Variants in PLEKHA7 observed in about 807,000 individuals in gnomAD.
PLEKHA7 encodes pleckstrin homology domain containing A7, also known as pleckstrin homology domain-containing family A member 7.
A neutral mutation model predicts 170.0 loss-of-function variants in PLEKHA7; 104 were observed. The observed-to-expected ratio is 0.61, with a 90% CI of 0.52 to 0.72. The LOEUF is 0.72. Among genes scored for constraint, PLEKHA7 ranks in the 30% least tolerant of loss-of-function variants. The pLI is 0.00. For synonymous variants in PLEKHA7, 648 were observed against 660.8 expected (o/e 0.98, Z 0.30); for missense variants, 1,615 against 1,671.7 (o/e 0.97, Z 0.59).
chr11:16,928,806 T>C (rs1253188163), intron 3 of PLEKHA7, among the ~76,000 whole-genome samples: 1 of 152,092 alleles, frequency 6.6e-6, no homozygotes, highest in Non-Finnish European at 1.5e-5. Flanking sequence ...GCATAAAAAT[T>C]ACTGTCCATG....
At chr11:16,779,396 G>A (rs1590088824) in intron 26 of PLEKHA7, among the ~76,000 whole-genome samples, 1 of 152,318 alleles carries the variant, frequency 6.6e-6, no homozygotes, top group Middle Eastern at 3.4e-3. Flanking sequence ...TCTTAACAAG[G>A]ATGCTTTGAG....
intron 3 of PLEKHA7, among the ~76,000 whole-genome samples, chr11:16,900,797 A>C (rs759863192): frequency 2.0e-5 from 3 of 152,140 alleles, no homozygotes; most frequent in Non-Finnish European, 2.9e-5. Context: ...TTTCTAGGAC[A>C]GAAAATCTCT....
chr11:16,908,491 A>AT (rs911811869), intron 3 of PLEKHA7, among the ~76,000 whole-genome samples: 2 of 140,176 alleles, frequency 1.4e-5, no homozygotes, highest in East Asian at 2.0e-4. Flanking sequence ...TGAGAAAATA[A>AT]TTTTTTTTTC....
intron 3 of PLEKHA7, among the ~76,000 whole-genome samples, chr11:16,951,633 A>G (rs2136506348): frequency 6.6e-6 from 1 of 152,344 alleles, no homozygotes; most frequent in Non-Finnish European, 1.5e-5. Flanking sequence ...TAAGCTATGT[A>G]AATGAAAACG....
Position 16,916,190 on chromosome 11 carries a change from G to T in PLEKHA7, c.222-45008C>A, listed in dbSNP as rs1191295162. On this transcript the variant is annotated intron_variant, in intron 3 of 26. Coordinates refer to ENST00000531066, the MANE Select transcript of PLEKHA7 (RefSeq NM_001329630.2). Reference sequence around the variant, plus strand: ...TGAGAAGTGTCTGTTCATGTCCTTCGCCCACTTGTTAATGGGGTTGTTTGT... The same window carrying T: ...TGAGAAGTGTCTGTTCATGTCCTTCTCCCACTTGTTAATGGGGTTGTTTGT... Among the ~76,000 whole-genome samples the T allele has an allele frequency of 2.0e-5, 3 of 152,158 alleles. No homozygotes were observed. In the South Asian group the frequency reaches 6.2e-4, roughly 32 times the overall value.
intron 3 of PLEKHA7, among the ~76,000 whole-genome samples, chr11:16,884,691 C>CAA (rs538451727): frequency 1.8e-3 from 275 of 150,164 alleles, no homozygotes; most frequent in African/African-American, 6.4e-3. Flanking sequence ...TGTTAGAAAA[C>CAA]AAAAAAAAAC....
In PLEKHA7 at chr11:16,870,666, T is replaced by C. The variant is rs759361359; in HGVS notation, c.305+433A>G. On this transcript the variant is annotated intron_variant, in intron 4 of 26. Coordinates refer to ENST00000531066, the MANE Select transcript of PLEKHA7 (RefSeq NM_001329630.2). ...CAAAAAAAAAAAAAAAAAAAAGATATGGGGTCTTGTTAGCCTTGAACTCCT... is the reference window on the plus strand; with the variant it reads ...CAAAAAAAAAAAAAAAAAAAAGATACGGGGTCTTGTTAGCCTTGAACTCCT... Among the ~76,000 whole-genome samples, 25 of 145,668 alleles carry C rather than the reference T, an allele frequency of 1.7e-4. No homozygotes were observed. In the East Asian group the frequency reaches 2.2e-3, roughly 13 times the overall value.
chr11:16,842,594 CAAAAAAAAAAA>C (rs10690846), intron 8 of PLEKHA7: 2 of 107,936 alleles, frequency 1.9e-5, no homozygotes, highest in African/African-American at 7.5e-5. Flanking sequence ...TGTATCCTTG[CAAAAAAAAAAA>C]AAAAAAAAAT....
chr11:16,968,777 C>T lies in PLEKHA7; in HGVS notation c.221+45212G>A, dbSNP rs945037580. On this transcript the variant is annotated intron_variant, in intron 3 of 26. Transcript: ENST00000531066. ...TGGCATGATAGGCCTGCAAACTCAA[C>T]AAGCCTCATAGGGATTTCACATCCC... Among the ~76,000 whole-genome samples the T allele has an allele frequency of 2.0e-5, 3 of 152,194 alleles. No individual in the cohort carries two copies. In the South Asian group the frequency reaches 6.2e-4, roughly 31 times the overall value.
intron 17 of PLEKHA7, among the ~76,000 whole-genome samples, chr11:16,796,600 A>G (rs1848246593): frequency 6.6e-6 from 1 of 152,222 alleles, no homozygotes; most frequent in Admixed American, 6.5e-5. Flanking sequence ...TGACGGCTGT[A>G]TCATGCTGTG....
chr11:16,862,190 C>G (rs1414662222), intron 4 of PLEKHA7, among the ~76,000 whole-genome samples: 1 of 152,138 alleles, frequency 6.6e-6, no homozygotes, highest in African/African-American at 2.4e-5. Context: ...GGCTGCAGTT[C>G]CTCACCCCAC....
rs774100604 is a variant in PLEKHA7, at chr11:16,789,162, T to A, written c.3291A>T (p.Gln1097His). 2 of 1,612,102 alleles carry A rather than the reference T, an allele frequency of 1.2e-6. No homozygotes were observed. Among genetic ancestry groups the A allele is most frequent in the Non-Finnish European group, 1.7e-6 (2 of 1,180,030 alleles). ...LVRERKRTLG[Q>H]GERTGLPSSR... ...ATGAGGGCAGGCCCGTCCTCTCCCC[T>A]TGGCCCAGTGTCCTCTTGCGCTCTC... Residue 1097 changes from glutamine to histidine, a missense_variant, in exon 23 of 27, where the codon CAA becomes CAT. Coordinates refer to ENST00000531066, the MANE Select transcript of PLEKHA7 (RefSeq NM_001329630.2). The surrounding 1 kb of genome is among the most constrained non-coding windows in gnomAD (Gnocchi z 4.6).
At chr11:16,911,382 GGA>G (rs758690592) in intron 3 of PLEKHA7, among the ~76,000 whole-genome samples, 39 of 152,232 alleles carry the variant, frequency 2.6e-4, no homozygotes, top group Non-Finnish European at 5.1e-4. Flanking sequence ...CTTCAACCTG[GGA>G]GGCTACTCTT....
At position 17,014,314 on chromosome 11, in the gene PLEKHA7, A is replaced by C; in HGVS notation, c.86+2T>G. On this transcript the variant is annotated splice_donor_variant, in intron 1 of 26. Coordinates refer to ENST00000531066, the MANE Select transcript of PLEKHA7 (RefSeq NM_001329630.2). LOFTEE classifies it high-confidence loss of function. ...CCGCGTCCCCGGGTCCTCGCGCCGC[A>C]CTTGATGAAGAAGACGCGGCCATCC... 2 of 1,440,322 alleles carry C rather than the reference A, an allele frequency of 1.4e-6. No individual in the cohort carries two copies. Among genetic ancestry groups the C allele is most frequent in the East Asian group, 3.1e-5 (1 of 31,758 alleles). 89.2% of individuals were successfully genotyped at this position (1,440,322 alleles called of 1,614,324 possible).
intron 3 of PLEKHA7, among the ~76,000 whole-genome samples, chr11:16,877,209 A>AG (rs1855366870): frequency 6.6e-6 from 1 of 151,392 alleles, no homozygotes; most frequent in Admixed American, 6.6e-5. Flanking sequence ...GCAGGCCTGC[A>AG]GCCACATTCA....
chr11:16,865,073 C>T (rs964413007), intron 4 of PLEKHA7, among the ~76,000 whole-genome samples: 5 of 152,188 alleles, frequency 3.3e-5, no homozygotes, highest in African/African-American at 1.2e-4. Flanking sequence ...TAATGGTCCC[C>T]CTCCTCAGGG....
Position 16,803,227 on chromosome 11 carries a change from G to T in PLEKHA7, c.2076C>A (p.Asp692Glu). The T allele has an allele frequency of 6.2e-7, 1 of 1,613,404 alleles. No individual in the cohort carries two copies. The highest frequency in any genetic ancestry group is 8.5e-7 in the Non-Finnish European group (1 of 1,179,316). ...TCAGCGTGTCACTCTGCTCACTCACGTCAGTGTCGCTCTCAGCGATCTTCA... is the reference window on the plus strand; with the variant it reads ...TCAGCGTGTCACTCTGCTCACTCACTTCAGTGTCGCTCTCAGCGATCTTCA... ...KPVKIAESDTDVKLSIFCEQD... is the reference protein window; with the variant it reads ...KPVKIAESDTEVKLSIFCEQD... The change falls in exon 14 of 27, where the codon GAC becomes GAA. Residue 692 changes from aspartate (D) to glutamate (E), a missense_variant and splice_region_variant. Asp to Glu is a conservative substitution (Grantham distance 45). Transcript: ENST00000531066.
chr11:16,885,523 G>C (rs1015794621), intron 3 of PLEKHA7, among the ~76,000 whole-genome samples: 1 of 151,402 alleles, frequency 6.6e-6, no homozygotes, highest in Non-Finnish European at 1.5e-5. Flanking sequence ...TATTAGCTGG[G>C]AGTGGTGGCG....
intron 4 of PLEKHA7, among the ~76,000 whole-genome samples, chr11:16,865,168 A>C (rs1565037851): frequency 6.6e-6 from 1 of 152,208 alleles, no homozygotes; most frequent in Non-Finnish European, 1.5e-5. Flanking sequence ...GTACTCCATC[A>C]ATTTGTATTG....
Sources: gnomAD v4.1 joint callset for allele counts (sites outside exome capture counted in the v4.1 genomes callset) on GRCh38, gnomAD v4.1.1 for gene constraint, Gnocchi (gnomAD v3.1) non-coding constraint, MANE v1.5 for transcripts, NCBI Gene and HGNC (gene_info 2026-07-23, HGNC 2026-07-21) for gene names.